CIAO1: variants seen among roughly 807,000 people sequenced by gnomAD.
The protein encoded by CIAO1 is probable cytosolic iron-sulfur protein assembly protein CIAO1.
A neutral mutation model predicts 43.1 loss-of-function variants in CIAO1; 32 were observed. The observed-to-expected ratio is 0.74, with a 90% CI of 0.56 to 1.00. The LOEUF (loss-of-function observed/expected upper bound fraction) is 1.00. Among genes scored for constraint, CIAO1 ranks in the 50% least tolerant of loss-of-function variants. The pLI is 0.00. For missense variants in CIAO1, 415 were observed against 437.4 expected (o/e 0.95, Z 0.46); for synonymous variants, 183 against 171.4 (o/e 1.07, Z -0.53).
chr2:96,268,692 T>C (rs1184063196), intron 5 of CIAO1, 34 bp downstream of exon 5: 1 of 1,606,218 alleles, frequency 6.2e-7, no homozygotes, highest in East Asian at 2.2e-5. Context: ...AGAAGACCCA[T>C]CTCTCAAGGG....
chr2:96,268,232 A>T (rs1684474958), intron 4 of CIAO1, among the ~76,000 whole-genome samples: 1 of 152,192 alleles, frequency 6.6e-6, no homozygotes, highest in Non-Finnish European at 1.5e-5. Context: ...CATGCCTGTA[A>T]TCCCAGCTAT....
rs571238881 is a variant in CIAO1, at chr2:96,268,604, A to G, written c.637A>G (p.Ser213Gly). The G allele has an allele frequency of 3.7e-5, 59 of 1,614,220 alleles. 1 individual carries two copies. The South Asian group carries it at 6.3e-4, about 17-fold the overall frequency. The change falls in exon 5 of 7, where the codon AGT becomes GGT. Residue 213 changes from serine to glycine, a missense_variant. Physicochemically the swap from Ser to Gly is moderately conservative, Grantham distance 56. Transcript: ENST00000488633. ...GAGTGGCCAGCGCCTGGCGTCTTGT[A>G]GTGATGACCGTACTGTGCGTATCTG... ...DPSGQRLASCSDDRTVRIWRQ... is the reference protein window; with the variant it reads ...DPSGQRLASCGDDRTVRIWRQ...
At chr2:96,267,509 C>T in intron 2 of CIAO1, 40 bp downstream of exon 2, 9 of 1,610,512 alleles carry the variant, frequency 5.6e-6, no homozygotes, top group Non-Finnish European at 7.6e-6. Context: ...TGCCTGTTTC[C>T]TCCCCAGGGC....
rs1684550667 is a variant in CIAO1, at chr2:96,271,575, A to G, written c.*224A>G. 1.8e-6 allele frequency: 1 copy of G among 543,990 alleles called. No individual in the cohort carries two copies. Among genetic ancestry groups the G allele is most frequent in the African/African-American group, 1.9e-5 (1 of 53,032 alleles). The allele number at this position is 543,990 out of a possible 1,614,324, so 33.7% of individuals were successfully genotyped here. On this transcript the variant is annotated 3_prime_UTR_variant, in exon 7 of 7. Transcript: ENST00000488633. ...CAGAACATGAGTACATTGTTATACC[A>G]CAGATTTTTCTTGCATTAGGGCACA...
At chr2:96,269,164 C>T in intron 5 of CIAO1, 104 bp from the exon 6 acceptor site, 1 of 938,174 alleles carries the variant, frequency 1.1e-6, no homozygotes, top group Non-Finnish European at 1.8e-6. Context: ...GAGACACAGA[C>T]TCATAATCAG....
chr2:96,266,801 G>A (rs1684439835), intron 1 of CIAO1, among the ~76,000 whole-genome samples: 1 of 152,184 alleles, frequency 6.6e-6, no homozygotes, highest in African/African-American at 2.4e-5. Flanking sequence ...GAGGGCATTG[G>A]GGAACCAATA....
chr2:96,267,357 G>T lies in CIAO1; in HGVS notation c.176G>T (p.Gly59Val). 6.2e-7 allele frequency: 1 copy of T among 1,613,890 alleles called. No homozygotes were observed. Among genetic ancestry groups the T allele is most frequent in the South Asian group, 1.1e-5 (1 of 91,080 alleles). Residue 59 changes from glycine to valine, a missense_variant, in exon 2 of 7, where the codon GGC (glycine) becomes GTC (valine). Transcript: ENST00000488633. Reference protein sequence around the residue: ...SWICKSVLSEGHQRTVRKVAW... With the variant: ...SWICKSVLSEVHQRTVRKVAW... Reference sequence around the variant, plus strand: ...ATCTGCAAGTCTGTCCTTTCTGAAGGCCACCAGCGCACCGTGCGGAAGGTA... The same window carrying T: ...ATCTGCAAGTCTGTCCTTTCTGAAGTCCACCAGCGCACCGTGCGGAAGGTA...
At position 96,273,736 on chromosome 2, in the gene CIAO1, A is replaced by G. The variant is rs1684600381; in HGVS notation, c.*2385A>G. 6.6e-6 allele frequency among the ~76,000 whole-genome samples: 1 copy of G among 152,144 alleles called. No homozygotes were observed. The highest frequency in any genetic ancestry group is 2.4e-5 in the African/African-American group (1 of 41,424). On this transcript the variant is annotated 3_prime_UTR_variant, in exon 7 of 7. Transcript: ENST00000488633. ...CAAAGAATAGCCACAATTAGCTGAA[A>G]AGGCTATTTTAAAAACTTTTCCAAC...
Position 96,271,582 on chromosome 2 carries a change from T to G in CIAO1, c.*231T>G, listed in dbSNP as rs1253533437. 2.5e-5 allele frequency: 13 copies of G among 527,958 alleles called. No individual in the cohort carries two copies. Among genetic ancestry groups the G allele is most frequent in the African/African-American group, 3.8e-5 (2 of 52,770 alleles). 32.7% of individuals were successfully genotyped at this position (527,958 alleles called of 1,614,324 possible). ...TGAGTACATTGTTATACCACAGATT[T>G]TTCTTGCATTAGGGCACAGTGTTAA... On this transcript the variant is annotated 3_prime_UTR_variant, in exon 7 of 7. Transcript: ENST00000488633.
At chr2:96,266,600 G>T in intron 1 of CIAO1, 111 bp downstream of exon 1, 1 of 1,182,100 alleles carries the variant, frequency 8.5e-7, no homozygotes, top group East Asian at 3.1e-5. Context: ...GAGGGAGAGT[G>T]GGATGTTAGC....
Position 96,271,123 on chromosome 2 carries a change from A to G in CIAO1, c.792A>G (p.Thr264=), listed in dbSNP as rs530598937. ...TIYDIAWCQL[T]GALATACGDD... Reference sequence around the variant, plus strand: ...ACTTTCCTTCCAGGTGTCAGCTGACAGGGGCTCTGGCCACAGCTTGTGGGG... The same window carrying G: ...ACTTTCCTTCCAGGTGTCAGCTGACGGGGGCTCTGGCCACAGCTTGTGGGG... Residue 264 remains threonine, a synonymous_variant, in exon 7 of 7, where the codon ACA becomes ACG. Coordinates refer to ENST00000488633, the MANE Select transcript of CIAO1 (RefSeq NM_004804.3). The G allele has an allele frequency of 2.0e-5, 32 of 1,613,962 alleles. No individual in the cohort carries two copies. The highest frequency in any genetic ancestry group is 1.3e-4 in the African/African-American group (10 of 74,944).
At position 96,268,634 on chromosome 2, in the gene CIAO1, C is replaced by G; in HGVS notation, c.667C>G (p.Gln223Glu). 1 of 1,614,190 alleles carries G rather than the reference C, an allele frequency of 6.2e-7. No homozygotes were observed. Residue 223 changes from glutamine to glutamate, a missense_variant, in exon 5 of 7, where the codon CAG (glutamine) becomes GAG (glutamate). Gln to Glu is a conservative substitution (Grantham distance 29). Coordinates refer to ENST00000488633, the MANE Select transcript of CIAO1 (RefSeq NM_004804.3). ...TGACCGTACTGTGCGTATCTGGCGT[C>G]AGTATCTACCAGGCAATGAACAAGG... ...SDDRTVRIWR[Q>E]YLPGNEQGVA... is the part of the protein sequence containing the mutation.
Position 96,266,541 on chromosome 2 carries a change from CGTAGTGCAGGCGCTCAGCCTGCAG to C in CIAO1, c.139+54_139+77del, listed in dbSNP as rs767123376. The C allele has an allele frequency of 1.5e-4, 205 of 1,357,958 alleles. No homozygotes were observed. In the Middle Eastern group the frequency reaches 4.6e-3, roughly 31 times the overall value. 84.1% of individuals were successfully genotyped at this position (1,357,958 alleles called of 1,614,324 possible). ...CTCAGCGCTGAGGGCTCAGCCTGCG[CGTAGTGCAGGCGCTCAGCCTGCAG>C]GGGAGGCTGAACCTGTTCCTGGCGG... is the stretch of plus-strand genomic sequence containing the variant. On this transcript the variant is annotated intron_variant, in intron 1 of 6. Transcript: ENST00000488633.
chr2:96,266,591 A>T (rs1241404837), intron 1 of CIAO1, 102 bp downstream of exon 1: 1 of 1,215,988 alleles, frequency 8.2e-7, no homozygotes, highest in Non-Finnish European at 1.0e-6. Flanking sequence ...TTCCTGGCGG[A>T]GGGAGAGTGG....
chr2:96,269,733 C>T (rs186433010), intron 6 of CIAO1, among the ~76,000 whole-genome samples: 2 of 152,250 alleles, frequency 1.3e-5, no homozygotes, highest in East Asian at 3.9e-4. Context: ...CTGCAAGCTC[C>T]GTCTCCCGGG....
chr2:96,266,510 GC>G, intron 1 of CIAO1, 21 bp downstream of exon 1: 1 of 1,458,092 alleles, frequency 6.9e-7, no homozygotes, highest in Non-Finnish European at 9.2e-7. Context: ...GCCTGGTTGC[GC>G]GGCCCTCAGC....
Position 96,267,900 on chromosome 2 carries a change from T to A in CIAO1, c.465T>A (p.His155Gln), listed in dbSNP as rs1684469357. The change falls in exon 4 of 7, where the codon CAT becomes CAA. Residue 155 changes from histidine (H) to glutamine (Q), a missense_variant. Coordinates refer to ENST00000488633, the MANE Select transcript of CIAO1 (RefSeq NM_004804.3). ...VLNSHTQDVK[H>Q]VVWHPSQELL... Reference sequence around the variant, plus strand: ...ACTCCCACACACAGGATGTCAAGCATGTGGTTTGGCACCCAAGTCAGGAGG... The same window carrying A: ...ACTCCCACACACAGGATGTCAAGCAAGTGGTTTGGCACCCAAGTCAGGAGG... 1 of 1,614,136 alleles carries A rather than the reference T, an allele frequency of 6.2e-7. No homozygotes were observed. Among genetic ancestry groups the A allele is most frequent in the Non-Finnish European group, 8.5e-7 (1 of 1,180,014 alleles).
chr2:96,271,499 A>G lies in CIAO1; in HGVS notation c.*148A>G, dbSNP rs1438254951. On this transcript the variant is annotated 3_prime_UTR_variant, in exon 7 of 7. Coordinates refer to ENST00000488633, the MANE Select transcript of CIAO1 (RefSeq NM_004804.3). ...GACTTGGGTAGAAGTGCAGAGCCAC[A>G]GAATTGCTTTCCTTCCCCGCCTTTG... 9 of 951,152 alleles carry G rather than the reference A, an allele frequency of 9.5e-6. No homozygotes were observed. Among genetic ancestry groups the G allele is most frequent in the Non-Finnish European group, 1.1e-5 (7 of 654,850 alleles). 58.9% of individuals were successfully genotyped at this position (951,152 alleles called of 1,614,324 possible).
intron 5 of CIAO1, 117 bp from the exon 6 acceptor site, chr2:96,269,151 A>G: frequency 1.2e-6 from 1 of 841,682 alleles, no homozygotes. Flanking sequence ...GGGGACACGA[A>G]CGGAGACACA....
Sources: allele counts gnomAD v4.1 joint callset (sites outside exome capture counted in the v4.1 genomes callset), GRCh38; gene constraint gnomAD v4.1.1; transcripts MANE v1.5; gene names NCBI Gene and HGNC (gene_info 2026-07-23, HGNC 2026-07-21).